Variants in TTBK2 observed in about 807,000 individuals in gnomAD.
The protein encoded by TTBK2 is tau tubulin kinase 2, also known as tau-tubulin kinase 2.
In TTBK2, 28 loss-of-function variants were observed where a neutral mutation model predicts 110.8. The observed-to-expected ratio is 0.25, with a 90% CI of 0.19 to 0.35. The LOEUF is 0.35. TTBK2 is among the 10% of genes least tolerant of loss of function. The pLI is 1.00. For missense variants in TTBK2, 1,369 were observed against 1,500.3 expected (o/e 0.91, Z 1.45); for synonymous variants, 532 against 527.3 (o/e 1.01, Z -0.12).
At chr15:42,773,166 G>A (rs1256531213) in intron 13 of TTBK2, among the ~76,000 whole-genome samples, 1 of 152,134 alleles carries the variant, frequency 6.6e-6, no homozygotes, top group Non-Finnish European at 1.5e-5. Flanking sequence ...TCATTCCACT[G>A]TGCTACAGCC....
chr15:42,855,686 A>AT (rs1567061885), intron 3 of TTBK2, among the ~76,000 whole-genome samples: 2 of 151,972 alleles, frequency 1.3e-5, no homozygotes, highest in African/African-American at 4.8e-5. Context: ...TATTTATTAT[A>AT]TATTGATTTA....
intron 3 of TTBK2, among the ~76,000 whole-genome samples, chr15:42,859,477 T>C (rs1201200695): frequency 6.6e-6 from 1 of 152,114 alleles, no homozygotes; most frequent in African/African-American, 2.4e-5. Flanking sequence ...CCATTCTAAC[T>C]ATCCTGTCTC....
chr15:42,811,307 C>A (rs1891712239), intron 8 of TTBK2, among the ~76,000 whole-genome samples: 1 of 152,168 alleles, frequency 6.6e-6, no homozygotes, highest in Non-Finnish European at 1.5e-5. Context: ...AATAATTTAT[C>A]TTAAATCTGA....
In TTBK2 at chr15:42,815,206, T is replaced by C. The variant is rs529070817; in HGVS notation, c.603+1826A>G. ...CAAAGTAAATAAGTAAATGACTAGATATCATGAAATAAAGCAACACTGAAT... is the reference window on the plus strand; with the variant it reads ...CAAAGTAAATAAGTAAATGACTAGACATCATGAAATAAAGCAACACTGAAT... On this transcript the variant is annotated intron_variant, in intron 7 of 14. Transcript: ENST00000267890. Among the ~76,000 whole-genome samples the C allele has an allele frequency of 2.0e-5, 3 of 152,120 alleles. No homozygotes were observed. In the East Asian group the frequency reaches 5.8e-4, roughly 29 times the overall value.
intron 3 of TTBK2, among the ~76,000 whole-genome samples, chr15:42,869,509 G>A (rs1000937618): frequency 6.6e-6 from 1 of 150,954 alleles, no homozygotes; most frequent in African/African-American, 2.4e-5. Flanking sequence ...AGAAAATGGA[G>A]AAGTGAAGAT....
chr15:42,824,320 C>G (rs1237261360), intron 6 of TTBK2, among the ~76,000 whole-genome samples: 2 of 152,118 alleles, frequency 1.3e-5, no homozygotes, highest in Admixed American at 1.3e-4. Context: ...CCCACCAAAA[C>G]GTGCATGTTG....
At position 42,744,086 on chromosome 15, in the gene TTBK2, T is replaced by A. The variant is rs1271869012; in HGVS notation, c.*1709A>T. ...AGGACTGATCTTCCAATATTACAGT[T>A]GCTTTAGATAAACAGCAAGTATGTC... On this transcript the variant is annotated 3_prime_UTR_variant, in exon 15 of 15. Coordinates refer to ENST00000267890, the MANE Select transcript of TTBK2 (RefSeq NM_173500.4). 6.6e-6 allele frequency: 1 copy of A among 152,240 alleles called. No individual in the cohort carries two copies. The highest frequency in any genetic ancestry group is 2.4e-5 in the African/African-American group (1 of 41,466). 9.4% of individuals were successfully genotyped at this position (152,240 alleles called of 1,614,324 possible). A position where few individuals can be genotyped will look rare whatever the true frequency, so the allele number is the denominator to read the frequency against.
chr15:42,877,635 T>C (rs1202375567), intron 2 of TTBK2, among the ~76,000 whole-genome samples: 1 of 152,228 alleles, frequency 6.6e-6, no homozygotes, highest in Non-Finnish European at 1.5e-5. Context: ...TAAAACTGTA[T>C]TTGGTAATAT....
chr15:42,768,934 C>A (rs1889522891), intron 13 of TTBK2, among the ~76,000 whole-genome samples: 1 of 152,144 alleles, frequency 6.6e-6, no homozygotes, highest in Admixed American at 6.5e-5. Context: ...TGGAACAGAG[C>A]AGAGGCCTCA....
chr15:42,901,198 T>TA (rs2029984345), intron 1 of TTBK2, among the ~76,000 whole-genome samples: 1 of 151,726 alleles, frequency 6.6e-6, no homozygotes, highest in Admixed American at 6.6e-5. Context: ...CCATCTCTAC[T>TA]AAAAATACAA....
intron 1 of TTBK2, among the ~76,000 whole-genome samples, chr15:42,883,013 C>T (rs1895104720): frequency 6.6e-6 from 1 of 152,082 alleles, no homozygotes; most frequent in South Asian, 2.1e-4. Flanking sequence ...CAAAAATATG[C>T]TTGCAAGTTA....
At chr15:42,784,473 T>A (rs1231277996) in intron 10 of TTBK2, among the ~76,000 whole-genome samples, 1 of 152,174 alleles carries the variant, frequency 6.6e-6, no homozygotes, top group Non-Finnish European at 1.5e-5. Flanking sequence ...AGACAGGGTT[T>A]CGCCATGTTG....
At chr15:42,801,409 C>T (rs776695869) in intron 9 of TTBK2, 17 of 1,142,802 alleles carry the variant, frequency 1.5e-5, no homozygotes, top group East Asian at 2.3e-5. Flanking sequence ...TCGGTATCTG[C>T]GTGGCAGCCT....
intron 7 of TTBK2, among the ~76,000 whole-genome samples, chr15:42,815,926 TTAAAAATATATATATATATATTTAAAAA>T (rs1891940560): frequency 1.6e-5 from 1 of 61,216 alleles, no homozygotes; most frequent in African/African-American, 1.2e-4. Flanking sequence ...ATATATATAT[TTAAAAATATATATATATATATTTAAAAA>T]AAAAATATAT....
intron 5 of TTBK2, among the ~76,000 whole-genome samples, chr15:42,828,627 G>A (rs1892627992): frequency 6.6e-6 from 1 of 151,442 alleles, no homozygotes; most frequent in African/African-American, 2.4e-5. Context: ...GGAAGCTGAG[G>A]CAGGAGAATT....
At chr15:42,827,313 A>T (rs1307812722) in intron 6 of TTBK2, among the ~76,000 whole-genome samples, 3 of 152,164 alleles carry the variant, frequency 2.0e-5, no homozygotes, top group African/African-American at 7.2e-5. Context: ...TAGAAGGGGG[A>T]GACCAGTACC....
At chr15:42,791,495 TTTCTTTG>T (rs1489660593) in intron 10 of TTBK2, among the ~76,000 whole-genome samples, 1 of 90,776 alleles carries the variant, frequency 1.1e-5, no homozygotes, top group African/African-American at 6.6e-5. Flanking sequence ...CTCAGGGTTT[TTTCTTTG>T]TCCTTATTCA....
chr15:42,852,643 C>T (rs1893765939), intron 3 of TTBK2, among the ~76,000 whole-genome samples: 1 of 152,134 alleles, frequency 6.6e-6, no homozygotes, highest in African/African-American at 2.4e-5. Context: ...TAATCTAGAC[C>T]TATTCTCTAC....
chr15:42,761,426 CT>C lies in TTBK2; in HGVS notation c.1999-8180del, dbSNP rs1414624582. ...GAGAAAATATCTACAAACTATTCAT[CT>C]AATGGGATGATAGCAAAGGAAAACC... is the stretch of plus-strand genomic sequence containing the variant. On this transcript the variant is annotated intron_variant, in intron 13 of 14. Coordinates refer to ENST00000267890, the MANE Select transcript of TTBK2 (RefSeq NM_173500.4). Among the ~76,000 whole-genome samples the C allele has an allele frequency of 6.6e-5, 10 of 150,998 alleles. No homozygotes were observed. The East Asian group carries it at 2.0e-3, about 29-fold the overall frequency.
Sources: gnomAD v4.1 joint callset for allele counts (sites outside exome capture counted in the v4.1 genomes callset) on GRCh38, gnomAD v4.1.1 for gene constraint, MANE v1.5 for transcripts, NCBI Gene and HGNC (gene_info 2026-07-23, HGNC 2026-07-21) for gene names.